MCC: variants seen among roughly 807,000 people sequenced by gnomAD.
The protein encoded by MCC is colorectal mutant cancer protein.
In MCC, 90 loss-of-function variants were observed where a neutral mutation model predicts 116.2. The observed-to-expected ratio is 0.77, with a 90% CI of 0.65 to 0.92. The LOEUF is 0.92. Among genes scored for constraint, MCC ranks in the 40% least tolerant of loss-of-function variants. The probability of loss-of-function intolerance (pLI) is 0.00; values close to 1 mark genes in which losing one functional copy is unlikely to be tolerated. For missense variants in MCC, 1,516 were observed against 1,312.2 expected, an observed-to-expected ratio of 1.16 and a Z score of -2.40; for synonymous variants, 578 against 510.5, an observed-to-expected ratio of 1.13 and a Z score of -1.78.
At chr5:113,141,220 C>A (rs7732705) in intron 5 of MCC, among the ~76,000 whole-genome samples, 5,001 of 152,296 alleles carry the variant, frequency 0.033, 113 homozygotes, top group South Asian at 0.11. Context: ...CCTTTGGACT[C>A]CAGGACCTGC....
intron 3 of MCC, among the ~76,000 whole-genome samples, chr5:113,275,373 G>C (rs1765783509): frequency 6.6e-6 from 1 of 152,080 alleles, no homozygotes; most frequent in African/African-American, 2.4e-5. Context: ...GTTCAATTTA[G>C]GAACTTCTCA....
chr5:113,317,993 A>T (rs929467834), intron 3 of MCC, among the ~76,000 whole-genome samples: 5 of 152,246 alleles, frequency 3.3e-5, no homozygotes, highest in Non-Finnish European at 5.9e-5. Flanking sequence ...TTTATGAATC[A>T]TATAAGAAGG....
At chr5:113,468,243 C>A (rs1771971960) in intron 1 of MCC, among the ~76,000 whole-genome samples, 1 of 152,164 alleles carries the variant, frequency 6.6e-6, no homozygotes, top group Non-Finnish European at 1.5e-5. Context: ...TGAGAGAGGG[C>A]ATCCCTGTCT....
At chr5:113,241,651 G>A (rs1764373599) in intron 3 of MCC, among the ~76,000 whole-genome samples, 1 of 152,190 alleles carries the variant, frequency 6.6e-6, no homozygotes, top group African/African-American at 2.4e-5. Flanking sequence ...AGAGAACTCT[G>A]TGATATGAAG....
intron 1 of MCC, among the ~76,000 whole-genome samples, chr5:113,442,526 G>T (rs1163836617): frequency 3.9e-5 from 6 of 152,060 alleles, no homozygotes; most frequent in Admixed American, 3.9e-4. Context: ...GTCAATTTTG[G>T]CTTTTGTTGC....
intron 5 of MCC, among the ~76,000 whole-genome samples, chr5:113,138,842 G>T (rs950821379): frequency 2.6e-5 from 4 of 152,134 alleles, no homozygotes; most frequent in African/African-American, 9.7e-5. Context: ...GGGGTAAAAG[G>T]AAAGTTTACT....
chr5:113,129,577 A>G (rs57363557), intron 5 of MCC, among the ~76,000 whole-genome samples: 6,448 of 152,252 alleles, frequency 0.042, 430 homozygotes, highest in African/African-American at 0.14. Flanking sequence ...CTGTGTCCCC[A>G]TATGGCTGGG....
chr5:113,083,876 G>C (rs191454463), intron 10 of MCC, among the ~76,000 whole-genome samples: 64 of 151,896 alleles, frequency 4.2e-4, no homozygotes, highest in Middle Eastern at 3.4e-3. Context: ...TGGTTTCAAG[G>C]AAAGGAAAAA....
intron 3 of MCC, among the ~76,000 whole-genome samples, chr5:113,311,923 T>C (rs547010078): frequency 2.6e-5 from 4 of 152,158 alleles, no homozygotes; most frequent in East Asian, 1.9e-4. Flanking sequence ...CTGGCCAATA[T>C]GGTGAAACGT....
chr5:113,419,395 G>A (rs1018112599), intron 1 of MCC, among the ~76,000 whole-genome samples: 2 of 149,842 alleles, frequency 1.3e-5, no homozygotes, highest in Non-Finnish European at 3.0e-5. Flanking sequence ...GATGGGTCTC[G>A]TTATGTGCCC....
At chr5:113,253,996 T>C (rs1315846054) in intron 3 of MCC, among the ~76,000 whole-genome samples, 2 of 152,164 alleles carry the variant, frequency 1.3e-5, no homozygotes, top group Non-Finnish European at 2.9e-5. Flanking sequence ...AACATCAATC[T>C]ACTGAACCCA....
intron 1 of MCC, among the ~76,000 whole-genome samples, chr5:113,469,616 T>C (rs1298115953): frequency 1.3e-5 from 2 of 152,156 alleles, no homozygotes; most frequent in African/African-American, 2.4e-5. Context: ...TGTGGTCAAT[T>C]TTGGAGTAGG....
intron 6 of MCC, among the ~76,000 whole-genome samples, chr5:113,113,995 G>C (rs1310676175): frequency 2.8e-5 from 4 of 140,430 alleles, no homozygotes; most frequent in African/African-American, 1.3e-4. Flanking sequence ...AAGGTACTGT[G>C]TTTATTATAG....
At chr5:113,472,357 G>T (rs1057148735) in intron 1 of MCC, among the ~76,000 whole-genome samples, 2 of 152,176 alleles carry the variant, frequency 1.3e-5, no homozygotes, top group Admixed American at 6.5e-5. Flanking sequence ...CCCCTGAATA[G>T]AATAATATTC....
chr5:113,359,319 C>T (rs989577796), intron 2 of MCC, among the ~76,000 whole-genome samples: 4 of 152,164 alleles, frequency 2.6e-5, no homozygotes, highest in African/African-American at 9.7e-5. Flanking sequence ...TTTTTCTTAC[C>T]GAAGCATGCT....
intron 1 of MCC, among the ~76,000 whole-genome samples, chr5:113,462,446 A>G (rs1398046529): frequency 6.6e-6 from 1 of 151,982 alleles, no homozygotes; most frequent in Non-Finnish European, 1.5e-5. Flanking sequence ...ATTCCAGTCG[A>G]AACAACACTT....
chr5:113,288,220 A>T (rs1335950346), intron 3 of MCC, among the ~76,000 whole-genome samples: 1 of 152,186 alleles, frequency 6.6e-6, no homozygotes, highest in Non-Finnish European at 1.5e-5. Context: ...TTTCTCCCCA[A>T]GCCTCGGCAC....
intron 1 of MCC, among the ~76,000 whole-genome samples, chr5:113,464,404 C>A (rs1418736877): frequency 1.3e-5 from 2 of 152,278 alleles, no homozygotes; most frequent in East Asian, 3.9e-4. Context: ...CTTTGCTGTT[C>A]CTTTAATCAG....
At chr5:113,075,262 C>G (rs1341539862) in intron 11 of MCC, among the ~76,000 whole-genome samples, 4 of 152,246 alleles carry the variant, frequency 2.6e-5, no homozygotes, top group African/African-American at 9.6e-5. Flanking sequence ...TGGGCCTCAG[C>G]TGCCTCCCCG....
Sources: allele counts gnomAD v4.1 joint callset (sites outside exome capture counted in the v4.1 genomes callset), GRCh38; gene constraint gnomAD v4.1.1; transcripts MANE v1.5; gene names NCBI Gene and HGNC (gene_info 2026-07-23, HGNC 2026-07-21).